CSMD1: variants seen among roughly 807,000 people sequenced by gnomAD.
The protein encoded by CSMD1 is CUB and sushi domain-containing protein 1.
CSMD1 carries 213 observed loss-of-function variants against 417.5 expected under a neutral mutation model. That is an observed-to-expected ratio of 0.51 (90% CI 0.46 to 0.57). The LOEUF (loss-of-function observed/expected upper bound fraction) is 0.57. Ranked by LOEUF, CSMD1 falls within the 20% of genes least tolerant of loss-of-function variation. The probability of loss-of-function intolerance (pLI) is 0.00; values close to 1 mark genes in which losing one functional copy is unlikely to be tolerated. For synonymous variants in CSMD1, 2,862 were observed against 1,736.8 expected (o/e 1.65, Z -16.11); for missense variants, 6,923 against 4,529.7 (o/e 1.53, Z -15.17).
intron 3 of CSMD1, among the ~76,000 whole-genome samples, chr8:4,179,483 A>T (rs1011847109): frequency 6.6e-6 from 1 of 151,332 alleles, no homozygotes; most frequent in African/African-American, 2.4e-5. Context: ...CCCTAGAAGA[A>T]AACCTAGGCA....
Position 4,994,754 on chromosome 8 carries a change from CAGCCAGG to C in CSMD1, c.-345_-339del, listed in dbSNP as rs1176578299. The stretch of plus-strand genomic sequence containing the variant: ...GGAGAAGCGGGGAGAGGAGCGCGCG[CAGCCAGG>C]AGAGACCTGGAGAGGAGGCAGCTGG... On this transcript the variant is annotated 5_prime_UTR_variant, in exon 1 of 70. Transcript: ENST00000635120. 3.5e-6 allele frequency: 1 copy of C among 284,858 alleles called. No individual in the cohort carries two copies. Among genetic ancestry groups the C allele is most frequent in the Non-Finnish European group, 6.6e-6 (1 of 152,384 alleles). The allele number at this position is 284,858 out of a possible 1,614,324, so 17.6% of individuals were successfully genotyped here.
At chr8:2,967,549 T>C (rs1014777090) in intron 57 of CSMD1, among the ~76,000 whole-genome samples, 7 of 152,152 alleles carry the variant, frequency 4.6e-5, no homozygotes, top group African/African-American at 1.7e-4. Flanking sequence ...TTTCCCTTTT[T>C]TAGTCGAGCC....
intron 35 of CSMD1, 128 bp downstream of exon 35, chr8:3,188,759 G>T: frequency 1.9e-6 from 1 of 513,774 alleles, no homozygotes; most frequent in Non-Finnish European, 2.9e-6. Context: ...AAAATAACCA[G>T]TATAAAAGGA....
rs147591861 is a variant in CSMD1, at chr8:4,302,371, G to A, written c.415+117582C>T. Among the ~76,000 whole-genome samples, 1,366 of 152,192 alleles carry A rather than the reference G, an allele frequency of 9.0e-3. 12 individuals carry two copies. Among genetic ancestry groups the A allele is most frequent in the Middle Eastern group, 0.061 (18 of 294 alleles). On this transcript the variant is annotated intron_variant, in intron 3 of 69. Coordinates refer to ENST00000635120, the MANE Select transcript of CSMD1 (RefSeq NM_033225.6). ...ATTCATAGTGATAATGTATCAAGGG[G>A]TTATACTATTCAGGCACTAGTTGAA...
chr8:3,271,208 T>G (rs1048397372), intron 26 of CSMD1, among the ~76,000 whole-genome samples: 4 of 151,896 alleles, frequency 2.6e-5, no homozygotes, highest in African/African-American at 4.8e-5. Flanking sequence ...GATAGTTTAC[T>G]GAGAATGATG....
At chr8:3,464,345 T>A (rs1218623309) in intron 12 of CSMD1, among the ~76,000 whole-genome samples, 1 of 152,188 alleles carries the variant, frequency 6.6e-6, no homozygotes, top group South Asian at 2.1e-4. Context: ...TTGCTTCTTG[T>A]TAACTTCCTC....
At chr8:3,195,612 G>A (rs919925043) in intron 33 of CSMD1, among the ~76,000 whole-genome samples, 6 of 152,076 alleles carry the variant, frequency 3.9e-5, no homozygotes, top group South Asian at 4.1e-4. Flanking sequence ...GTATAACCAC[G>A]GCCAGTAATG....
intron 3 of CSMD1, among the ~76,000 whole-genome samples, chr8:4,156,367 T>A (rs1226976383): frequency 1.3e-5 from 2 of 152,154 alleles, no homozygotes; most frequent in Non-Finnish European, 2.9e-5. Flanking sequence ...AAAACTTAAA[T>A]GAATGCAGAA....
chr8:3,021,132 G>T (rs984348302), intron 51 of CSMD1, among the ~76,000 whole-genome samples: 1 of 152,116 alleles, frequency 6.6e-6, no homozygotes, highest in Non-Finnish European at 1.5e-5. Flanking sequence ...GCGCACCTTC[G>T]CCTTCAATGG....
intron 12 of CSMD1, among the ~76,000 whole-genome samples, chr8:3,457,155 ATCCTGTACCTCTCT>A (rs1202025133): frequency 7.0e-6 from 1 of 143,528 alleles, no homozygotes; most frequent in African/African-American, 2.5e-5. Context: ...TGAACACCTC[ATCCTGTACCTCTCT>A]TCCTGGACTC....
chr8:4,197,331 T>A (rs559355832), intron 3 of CSMD1, among the ~76,000 whole-genome samples: 1 of 152,318 alleles, frequency 6.6e-6, no homozygotes, highest in East Asian at 1.9e-4. Context: ...GACTTGGCCA[T>A]AGGATGCCCA....
chr8:3,878,043 T>C (rs1805947490), intron 5 of CSMD1, among the ~76,000 whole-genome samples: 1 of 152,140 alleles, frequency 6.6e-6, no homozygotes, highest in Non-Finnish European at 1.5e-5. Flanking sequence ...TACCTCCATC[T>C]AATTACATAT....
At chr8:4,011,769 T>C (rs995262662) in intron 4 of CSMD1, among the ~76,000 whole-genome samples, 1 of 152,182 alleles carries the variant, frequency 6.6e-6, no homozygotes, top group Non-Finnish European at 1.5e-5. Context: ...TTACATCTTA[T>C]ACAAGTGTAG....
At chr8:3,971,464 G>A (rs766196041) in intron 5 of CSMD1, among the ~76,000 whole-genome samples, 3 of 152,084 alleles carry the variant, frequency 2.0e-5, no homozygotes, top group Non-Finnish European at 2.9e-5. Flanking sequence ...TAATGCAATT[G>A]CAAGTTGACA....
intron 2 of CSMD1, among the ~76,000 whole-genome samples, chr8:4,541,101 G>A (rs1483067248): frequency 6.6e-6 from 1 of 152,168 alleles, no homozygotes; most frequent in Non-Finnish European, 1.5e-5. Flanking sequence ...GCTATTGTCT[G>A]GAGAGTTGAG....
intron 3 of CSMD1, among the ~76,000 whole-genome samples, chr8:4,045,411 A>G (rs2130660255): frequency 6.6e-6 from 1 of 152,318 alleles, no homozygotes; most frequent in Non-Finnish European, 1.5e-5. Context: ...ATCATCAATG[A>G]CAAGTGGCCA....
At chr8:3,966,768 C>A (rs1417303362) in intron 5 of CSMD1, among the ~76,000 whole-genome samples, 2 of 151,876 alleles carry the variant, frequency 1.3e-5, no homozygotes, top group Non-Finnish European at 2.9e-5. Context: ...CGCGCGCGCA[C>A]ACACACTGAT....
chr8:4,066,765 C>T (rs1011035636), intron 3 of CSMD1, among the ~76,000 whole-genome samples: 2 of 152,070 alleles, frequency 1.3e-5, no homozygotes, highest in Non-Finnish European at 2.9e-5. Context: ...CAAGCAAATA[C>T]GGAAAGGGGC....
intron 3 of CSMD1, among the ~76,000 whole-genome samples, chr8:4,410,646 C>A (rs1264146134): frequency 6.6e-6 from 1 of 151,920 alleles, no homozygotes; most frequent in East Asian, 1.9e-4. Context: ...TGCATGTAAA[C>A]ATGGAGAAAT....
Sources: gnomAD v4.1 joint callset for allele counts (sites outside exome capture counted in the v4.1 genomes callset) on GRCh38, gnomAD v4.1.1 for gene constraint, MANE v1.5 for transcripts, NCBI Gene and HGNC (gene_info 2026-07-23, HGNC 2026-07-21) for gene names.